PFKL: variants seen among roughly 807,000 people sequenced by gnomAD.
PFKL encodes the protein ATP-dependent 6-phosphofructokinase, liver type.
Under a neutral mutation model 92.1 loss-of-function variants are expected in PFKL, and 74 were observed. That is an observed-to-expected ratio of 0.80 (90% CI 0.67 to 0.97). The LOEUF (loss-of-function observed/expected upper bound fraction) is 0.97, where lower values mean the gene tolerates loss of function less well. PFKL is among the 50% of genes least tolerant of loss of function. The probability of loss-of-function intolerance (pLI) is 0.00; values close to 1 mark genes in which losing one functional copy is unlikely to be tolerated. For synonymous variants in PFKL, 494 were observed against 456.4 expected, an observed-to-expected ratio of 1.08 and a Z score of -1.05; for missense variants, 1,028 against 1,116.6, an observed-to-expected ratio of 0.92 and a Z score of 1.13.
chr21:44,313,890 C>A, intron 6 of PFKL, 23 bp from the exon 7 acceptor site: 1 of 1,544,312 alleles, frequency 6.5e-7, no homozygotes, highest in South Asian at 1.2e-5. Context: ...GGGTCCTGAG[C>A]AGGCAGGCGC....
chr21:44,317,830 G>A (rs778118273), intron 9 of PFKL, among the ~76,000 whole-genome samples: 5 of 152,234 alleles, frequency 3.3e-5, no homozygotes, highest in Non-Finnish European at 7.3e-5. Flanking sequence ...ATAAGGTGCC[G>A]CCTGTGCCTC....
At chr21:44,323,658 C>A in intron 15 of PFKL, 108 bp from the exon 16 acceptor site, 2 of 1,226,948 alleles carry the variant, frequency 1.6e-6, no homozygotes, top group Non-Finnish European at 2.3e-6. Context: ...GCACGGGGCA[C>A]ATGACAGGTC....
intron 15 of PFKL, among the ~76,000 whole-genome samples, 189 bp downstream of exon 15, chr21:44,323,238 C>T (rs968305547): frequency 5.3e-5 from 8 of 151,864 alleles, no homozygotes; most frequent in Admixed American, 2.6e-4. Context: ...ATGCAGGGGC[C>T]GAGAGGGTTG....
intron 4 of PFKL, among the ~76,000 whole-genome samples, chr21:44,312,703 A>C (rs1050774007): frequency 6.6e-6 from 1 of 152,220 alleles, no homozygotes; most frequent in Non-Finnish European, 1.5e-5. Context: ...TCTCGGAGCC[A>C]TGTCTGTTCC....
chr21:44,312,001 G>A, intron 3 of PFKL, 104 bp from the exon 4 acceptor site: 1 of 942,018 alleles, frequency 1.1e-6, no homozygotes, highest in Non-Finnish European at 1.5e-6. Context: ...ACTCTGCAGG[G>A]TCTGCCAGCC....
intron 15 of PFKL, 55 bp downstream of exon 15, chr21:44,323,104 C>A: frequency 7.0e-7 from 1 of 1,422,820 alleles, no homozygotes; most frequent in Non-Finnish European, 9.9e-7. Flanking sequence ...CCAAGGTGTC[C>A]TCCCGCCGAG....
At chr21:44,313,508 C>A (rs2047115369) in intron 5 of PFKL, 130 bp from the exon 6 acceptor site, 3 of 850,464 alleles carry the variant, frequency 3.5e-6, no homozygotes, top group African/African-American at 3.4e-5. Flanking sequence ...TAGCTCAGAG[C>A]CTGGGCATGA....
At chr21:44,311,897 C>T (rs140884206) in intron 3 of PFKL, among the ~76,000 whole-genome samples, 53 of 152,302 alleles carry the variant, frequency 3.5e-4, no homozygotes, top group African/African-American at 1.3e-3. Flanking sequence ...CAGGACCGGA[C>T]GGACATCATC....
chr21:44,326,581 C>T lies in PFKL; in HGVS notation c.2196-134C>T, dbSNP rs1403357226. ...GGACCCCAGACCTGTCCCAGCTCCACGGATACCGAGATGTTCAGACAGAGG... is the reference window on the plus strand; with the variant it reads ...GGACCCCAGACCTGTCCCAGCTCCATGGATACCGAGATGTTCAGACAGAGG... On this transcript the variant is annotated intron_variant, in intron 21 of 21. Coordinates refer to ENST00000349048, the MANE Select transcript of PFKL (RefSeq NM_002626.6). 20 of 1,181,538 alleles carry T rather than the reference C, an allele frequency of 1.7e-5. No homozygotes were observed. The East Asian group carries it at 2.4e-4, about 14-fold the overall frequency. The allele number at this position is 1,181,538 out of a possible 1,614,324, so 73.2% of individuals were successfully genotyped here.
intron 3 of PFKL, 69 bp downstream of exon 3, chr21:44,311,152 A>G: frequency 9.1e-7 from 1 of 1,098,102 alleles, no homozygotes; most frequent in Non-Finnish European, 1.3e-6. Flanking sequence ...ACAGACCTGC[A>G]CACACAGACA....
rs367845090 is a variant in PFKL at position 44,321,836 on chromosome 21, C to A, written c.1299C>A (p.Tyr433Ter). ...RTGISHGHTV[Y>*]VVHDGFEGLA... ...GCATCTCCCATGGACACACAGTATA[C>A]GTGGTGCACGATGGCTTCGAAGGCC... The change falls in exon 13 of 22, where the codon TAC becomes TAA. Residue 433 changes from tyrosine (Y) to a stop codon, truncating the protein, a stop_gained. Coordinates refer to ENST00000349048, the MANE Select transcript of PFKL (RefSeq NM_002626.6). LOFTEE classifies it high-confidence loss of function. 41 of 1,583,276 alleles carry A rather than the reference C, an allele frequency of 2.6e-5. No homozygotes were observed. The highest frequency in any genetic ancestry group is 3.4e-5 in the Non-Finnish European group (40 of 1,163,542).
intron 1 of PFKL, chr21:44,305,652 C>G: frequency 1.1e-6 from 1 of 870,810 alleles, no homozygotes; most frequent in Non-Finnish European, 1.6e-6. Flanking sequence ...TGGGTTTCCT[C>G]CTCTCTGAAG....
intron 6 of PFKL, 43 bp from the exon 7 acceptor site, chr21:44,313,870 G>A (rs374426394): frequency 1.7e-4 from 247 of 1,485,380 alleles, no homozygotes; most frequent in Middle Eastern, 4.3e-4. Flanking sequence ...TCCCCTCAAC[G>A]GCTGGGTGGG....
intron 11 of PFKL, 109 bp downstream of exon 11, chr21:44,319,524 C>T (rs550649367): frequency 7.4e-6 from 7 of 943,530 alleles, no homozygotes; most frequent in Non-Finnish European, 1.2e-5. Context: ...TCCTTCTAGG[C>T]ACCGCGTCTG....
chr21:44,311,110 T>C, intron 3 of PFKL, 27 bp downstream of exon 3: 1 of 1,591,214 alleles, frequency 6.3e-7, no homozygotes, highest in Non-Finnish European at 8.6e-7. Flanking sequence ...CGGATGCATG[T>C]TGCACTTGGA....
In PFKL at chr21:44,304,483, G is replaced by T; in HGVS notation, c.86-2198G>T. 4 of 1,169,170 alleles carry T rather than the reference G, an allele frequency of 3.4e-6. No homozygotes were observed. The South Asian group carries it at 6.5e-5, about 19-fold the overall frequency. 72.4% of individuals were successfully genotyped at this position (1,169,170 alleles called of 1,614,324 possible). ...GGGCTTGGACCTGTGGTGGGACCAG[G>T]TCTGCAGGGAGGGCGAGGGAGGGAC... On this transcript the variant is annotated intron_variant, in intron 1 of 21. Transcript: ENST00000349048.
At chr21:44,311,658 G>A (rs1422199426) in intron 3 of PFKL, among the ~76,000 whole-genome samples, 5 of 152,326 alleles carry the variant, frequency 3.3e-5, no homozygotes, top group East Asian at 3.9e-4. Flanking sequence ...AGACGTGGCC[G>A]TGCTGGGTCC....
intron 1 of PFKL, among the ~76,000 whole-genome samples, chr21:44,303,876 G>A (rs1237735108): frequency 1.3e-5 from 2 of 152,112 alleles, no homozygotes; most frequent in African/African-American, 4.8e-5. Flanking sequence ...CCACTGTCCT[G>A]CCTGCCCTCT....
At chr21:44,306,629 C>T in intron 1 of PFKL, 52 bp from the exon 2 acceptor site, 1 of 1,484,840 alleles carries the variant, frequency 6.7e-7, no homozygotes, top group Non-Finnish European at 9.3e-7. Context: ...GGAGGGTGTC[C>T]AGGGCCTTGC....
Sources: allele counts gnomAD v4.1 joint callset (sites outside exome capture counted in the v4.1 genomes callset), GRCh38; gene constraint gnomAD v4.1.1; transcripts MANE v1.5; gene names NCBI Gene and HGNC (gene_info 2026-07-23, HGNC 2026-07-21).